The following CPEB3 variants were observed in gnomAD, a reference collection of about 807,000 sequenced individuals.
CPEB3 encodes the protein cytoplasmic polyadenylation element-binding protein 3.
CPEB3 carries 20 observed loss-of-function variants against 67.2 expected under a neutral mutation model. That is an observed-to-expected ratio of 0.30 (90% CI 0.21 to 0.43). The LOEUF (loss-of-function observed/expected upper bound fraction) is 0.43, where lower values mean the gene tolerates loss of function less well. Ranked by LOEUF, CPEB3 falls within the 20% of genes least tolerant of loss-of-function variation. The pLI is 1.00. For synonymous variants in CPEB3, 376 were observed against 393.1 expected (o/e 0.96, Z 0.51); for missense variants, 746 against 968.6 (o/e 0.77, Z 3.05).
chr10:92,221,217 G>T (rs1850683087), intron 2 of CPEB3, among the ~76,000 whole-genome samples: 1 of 152,204 alleles, frequency 6.6e-6, no homozygotes, highest in Non-Finnish European at 1.5e-5. Flanking sequence ...TTCAGGCCAG[G>T]TGTGGTGACT....
At chr10:92,186,434 T>C (rs1487113051) in intron 3 of CPEB3, among the ~76,000 whole-genome samples, 1 of 83,876 alleles carries the variant, frequency 1.2e-5, no homozygotes, top group East Asian at 2.6e-4. Flanking sequence ...AAAACTCAGG[T>C]GATTTTTTTT....
At position 92,127,657 on chromosome 10, in the gene CPEB3, C is replaced by A. The variant is rs373882521; in HGVS notation, c.1453+15372G>T. Among the ~76,000 whole-genome samples the A allele has an allele frequency of 3.3e-5, 5 of 152,072 alleles. No homozygotes were observed. The East Asian group carries it at 5.8e-4, about 18-fold the overall frequency. Reference sequence around the variant, plus strand: ...CTGTGCCATTGCACTCCAGCCTGGGCAACAAAGCGAGACTCTGTCTCAAAA... The same window carrying A: ...CTGTGCCATTGCACTCCAGCCTGGGAAACAAAGCGAGACTCTGTCTCAAAA... On this transcript the variant is annotated intron_variant, in intron 6 of 9. Transcript: ENST00000265997.
At position 92,193,903 on chromosome 10, in the gene CPEB3, T is replaced by G. The variant is rs1315978419; in HGVS notation, c.1006-1267A>C. ...GCTCCGCCTCCTGGGTTCACGCCAT[T>G]CTCCTGCCTCAGCCTTCCGAGTAGC... On this transcript the variant is annotated intron_variant, in intron 2 of 9. Coordinates refer to ENST00000265997, the MANE Select transcript of CPEB3 (RefSeq NM_014912.5). 1.3e-5 allele frequency among the ~76,000 whole-genome samples: 2 copies of G among 150,050 alleles called. 1 individual carries two copies. The highest frequency in any genetic ancestry group is 4.9e-5 in the African/African-American group (2 of 40,888).
At chr10:92,204,246 C>G (rs980064162) in intron 2 of CPEB3, 1 of 152,032 alleles carries the variant, frequency 6.6e-6, no homozygotes, top group Non-Finnish European at 1.5e-5. Flanking sequence ...TTCGCAGATT[C>G]ACCAGAATCT....
At chr10:92,145,212 A>AT (rs367827365) in intron 4 of CPEB3, 127 bp from the exon 5 acceptor site, 4 of 992,444 alleles carry the variant, frequency 4.0e-6, no homozygotes, top group Non-Finnish European at 5.9e-6. Context: ...ACAAAAAAAA[A>AT]GGTGTCCTGA....
At position 92,048,381 on chromosome 10, in the gene CPEB3, T is replaced by TCACA. The variant is rs762713507; in HGVS notation, c.*3830_*3831insTGTG. ...CAGTTTTTCTCTCTCTCTCTCTCTC[T>TCACA]CTCTCTCACACACACACACACACAC... On this transcript the variant is annotated 3_prime_UTR_variant, in exon 10 of 10. Transcript: ENST00000265997. The surrounding 1 kb of genome is among the most constrained non-coding windows in gnomAD (Gnocchi z 4.1). The TCACA allele has an allele frequency of 3.9e-3, 70 of 18,056 alleles. No homozygotes were observed. The highest frequency in any genetic ancestry group is 0.013 in the East Asian group (9 of 668). The allele number at this position is 18,056 out of a possible 1,614,324, so 1.1% of individuals were successfully genotyped here.
Position 92,204,459 on chromosome 10 carries a change from T to G in CPEB3, c.1006-11823A>C, listed in dbSNP as rs375690413. ...CCAACAGATGATGCCCTGCCCAGTG[T>G]ACACACAGATTAAGAGCTACAGACT... is the stretch of plus-strand genomic sequence containing the variant. On this transcript the variant is annotated intron_variant, in intron 2 of 9. Transcript: ENST00000265997. 4.6e-5 allele frequency among the ~76,000 whole-genome samples: 7 copies of G among 152,202 alleles called. No individual in the cohort carries two copies. The East Asian group carries it at 1.3e-3, about 29-fold the overall frequency.
chr10:92,256,085 G>A (rs963463897), intron 1 of CPEB3, among the ~76,000 whole-genome samples: 2 of 152,206 alleles, frequency 1.3e-5, no homozygotes, highest in African/African-American at 2.4e-5. Context: ...AGTCACACAA[G>A]TTAGGAACCT....
intron 1 of CPEB3, among the ~76,000 whole-genome samples, chr10:92,279,525 C>G (rs572079377): frequency 6.6e-6 from 1 of 152,238 alleles, no homozygotes; most frequent in African/African-American, 2.4e-5. Context: ...CTTCATACTT[C>G]ACGTTCATTG....
At chr10:92,231,831 T>C (rs866540271) in intron 2 of CPEB3, among the ~76,000 whole-genome samples, 3 of 152,182 alleles carry the variant, frequency 2.0e-5, no homozygotes, top group African/African-American at 7.2e-5. Context: ...GTGATTCTCC[T>C]GCCTCAGCCT....
At chr10:92,056,041 AAAAAT>A (rs1254439289) in intron 9 of CPEB3, among the ~76,000 whole-genome samples, 1 of 152,202 alleles carries the variant, frequency 6.6e-6, no homozygotes, top group African/African-American at 2.4e-5. Flanking sequence ...TAATAATAGT[AAAAAT>A]AAACAAAGAA....
At chr10:92,216,109 A>C (rs1175387945) in intron 2 of CPEB3, among the ~76,000 whole-genome samples, 23 of 150,462 alleles carry the variant, frequency 1.5e-4, no homozygotes, top group Admixed American at 1.5e-3. Flanking sequence ...TGAAACCTGA[A>C]CTAGAACATC....
At position 92,145,085 on chromosome 10, in the gene CPEB3, T is replaced by C. The variant is rs986727461; in HGVS notation, c.1223A>G (p.Asn408Ser). The C allele has an allele frequency of 1.2e-6, 2 of 1,613,896 alleles. No individual in the cohort carries two copies. The highest frequency in any genetic ancestry group is 1.7e-6 in the Non-Finnish European group (2 of 1,179,958). Residue 408 changes from asparagine (N) to serine (S), a missense_variant and splice_region_variant, in exon 5 of 10, where the codon AAT becomes AGT. Physicochemically the swap from Asn to Ser is conservative, Grantham distance 46 (BLOSUM62 1). This residue lies in a region of CPEB3 where 643 missense variants were observed against 717.5 expected (regional missense o/e 0.90). Transcript: ENST00000265997. ...PGTDNIMALN[N>S]AFLDDSHGDQ... ...ACCATGGCTATCATCCAGGAAGGCA[T>C]CTTCAAAGGGAAAGAGAGAAGATCG... is the stretch of plus-strand genomic sequence containing the variant.
At chr10:92,092,054 C>T (rs1050012788) in intron 7 of CPEB3, 110 bp from the exon 8 acceptor site, 8 of 718,314 alleles carry the variant, frequency 1.1e-5, no homozygotes, top group Non-Finnish European at 2.0e-5. Flanking sequence ...ATGAACATGA[C>T]CCAAACAAAA....
intron 1 of CPEB3, among the ~76,000 whole-genome samples, chr10:92,264,178 A>G (rs1256763683): frequency 6.6e-6 from 1 of 152,074 alleles, no homozygotes; most frequent in African/African-American, 2.4e-5. Flanking sequence ...AAATATAAAA[A>G]TTAGCTGGGC....
At chr10:92,148,643 T>C (rs1296973341) in intron 4 of CPEB3, among the ~76,000 whole-genome samples, 1 of 152,090 alleles carries the variant, frequency 6.6e-6, no homozygotes, top group East Asian at 1.9e-4. Context: ...CTGCCCTAAT[T>C]AGGTCACATA....
chr10:92,116,454 C>A (rs1488451311), intron 6 of CPEB3, among the ~76,000 whole-genome samples: 3 of 151,718 alleles, frequency 2.0e-5, no homozygotes, highest in Non-Finnish European at 2.9e-5. Flanking sequence ...ATTTCCCCCA[C>A]AAGAATGTCA....
At chr10:92,224,985 T>A (rs1850896254) in intron 2 of CPEB3, among the ~76,000 whole-genome samples, 1 of 149,910 alleles carries the variant, frequency 6.7e-6, no homozygotes, top group Non-Finnish European at 1.5e-5. Context: ...TTTTTTTTTT[T>A]TATTTTTTGA....
chr10:92,048,600 C>T lies in CPEB3; in HGVS notation c.*3612G>A, dbSNP rs1852180664. 1 of 152,452 alleles carries T rather than the reference C, an allele frequency of 6.6e-6. No individual in the cohort carries two copies. Among genetic ancestry groups the T allele is most frequent in the Non-Finnish European group, 1.5e-5 (1 of 68,014 alleles). 9.4% of individuals were successfully genotyped at this position (152,452 alleles called of 1,614,324 possible). ...GTGACATCCCTAGTCTTACACTAAA[C>T]CACTGTGATAAAGGAAAAGGCTTCT... On this transcript the variant is annotated 3_prime_UTR_variant, in exon 10 of 10. Transcript: ENST00000265997. This position sits in a 1 kb window ranked among gnomAD's most constrained non-coding sequence, Gnocchi z 4.1.
Sources: allele counts gnomAD v4.1 joint callset (sites outside exome capture counted in the v4.1 genomes callset), GRCh38; gene constraint gnomAD v4.1.1; regional missense constraint gnomAD v4.1.1; non-coding constraint Gnocchi (gnomAD v3.1); transcripts MANE v1.5; gene names NCBI Gene and HGNC (gene_info 2026-07-23, HGNC 2026-07-21).